CAB39: variants seen among roughly 807,000 people sequenced by gnomAD.
CAB39 encodes the protein calcium binding protein 39, also known as calcium-binding protein 39.
A neutral mutation model predicts 40.0 loss-of-function variants in CAB39; 8 were observed. The ratio of observed to expected loss-of-function variants is 0.20; its 90% confidence interval spans 0.12 to 0.36. The LOEUF is 0.36. Ranked by LOEUF, CAB39 falls within the 10% of genes least tolerant of loss-of-function variation. CAB39 has a pLI of 1.00. For missense variants in CAB39, 270 were observed against 401.1 expected (o/e 0.67, Z 2.79); for synonymous variants, 156 against 141.6 (o/e 1.10, Z -0.72).
intron 1 of CAB39, among the ~76,000 whole-genome samples, chr2:230,743,269 A>C (rs1194966190): frequency 6.6e-6 from 1 of 152,144 alleles, no homozygotes; most frequent in Non-Finnish European, 1.5e-5. Context: ...CGACAAAGTA[A>C]GGCCGGCTAT....
chr2:230,741,688 G>A (rs1002644293), intron 1 of CAB39, among the ~76,000 whole-genome samples: 2 of 152,126 alleles, frequency 1.3e-5, no homozygotes, highest in East Asian at 1.9e-4. Flanking sequence ...CTAAAGGCAC[G>A]TGTATACATT....
At chr2:230,773,044 T>G (rs561704273) in intron 2 of CAB39, among the ~76,000 whole-genome samples, 1 of 148,706 alleles carries the variant, frequency 6.7e-6, no homozygotes, top group African/African-American at 2.5e-5. Context: ...CTCAAAGTGA[T>G]TATGTTGAAC....
At chr2:230,777,708 C>T (rs1220752686) in intron 2 of CAB39, among the ~76,000 whole-genome samples, 2 of 152,020 alleles carry the variant, frequency 1.3e-5, no homozygotes, top group Admixed American at 6.6e-5. Flanking sequence ...CACCCCTGGC[C>T]CTCAATTATT....
chr2:230,766,193 A>G (rs183929394), intron 2 of CAB39, among the ~76,000 whole-genome samples: 1 of 152,246 alleles, frequency 6.6e-6, no homozygotes, highest in Non-Finnish European at 1.5e-5. Flanking sequence ...TCTGATGACT[A>G]TAAACCCAGG....
intron 1 of CAB39, among the ~76,000 whole-genome samples, chr2:230,731,680 G>T (rs1359922926): frequency 6.6e-6 from 1 of 152,028 alleles, no homozygotes; most frequent in African/African-American, 2.4e-5. Context: ...TAAATTTCTT[G>T]TAGACACGGG....
intron 2 of CAB39, among the ~76,000 whole-genome samples, chr2:230,789,779 C>T (rs750786505): frequency 9.2e-5 from 14 of 152,322 alleles, no homozygotes; most frequent in Admixed American, 3.3e-4. Flanking sequence ...CCCTGGGTTG[C>T]CAGGTCTGCC....
At chr2:230,780,198 G>A (rs1399849762) in intron 2 of CAB39, among the ~76,000 whole-genome samples, 1 of 152,136 alleles carries the variant, frequency 6.6e-6, no homozygotes, top group Non-Finnish European at 1.5e-5. Flanking sequence ...TTGGAACTAA[G>A]TAGGATGCCC....
chr2:230,763,986 G>T (rs1331421947), intron 2 of CAB39, among the ~76,000 whole-genome samples: 1 of 152,052 alleles, frequency 6.6e-6, no homozygotes, highest in Admixed American at 6.6e-5. Flanking sequence ...GCCGGGTGTG[G>T]TGGCACGCAC....
intron 2 of CAB39, among the ~76,000 whole-genome samples, chr2:230,769,280 A>G (rs1158773177): frequency 2.0e-5 from 3 of 152,222 alleles, no homozygotes; most frequent in African/African-American, 4.8e-5. Flanking sequence ...TAGAACTGCA[A>G]GAAGTAGTCA....
intron 2 of CAB39, among the ~76,000 whole-genome samples, chr2:230,772,487 G>GT (rs35032723): frequency 0.2 from 28,105 of 142,570 alleles, 4,888 homozygotes; most frequent in African/African-American, 0.47. Context: ...AGTTTGGCAG[G>GT]TTTTTTTTTT....
intron 1 of CAB39, among the ~76,000 whole-genome samples, chr2:230,748,848 A>ATATATG (rs1695034161): frequency 8.4e-6 from 1 of 119,058 alleles, no homozygotes; most frequent in African/African-American, 3.0e-5. Flanking sequence ...ATATATATAT[A>ATATATG]TATATATATA....
At chr2:230,725,102 C>G in intron 1 of CAB39, 1 of 1,608,648 alleles carries the variant, frequency 6.2e-7, no homozygotes. Context: ...CGGCTGCAAA[C>G]TCTGGTTGAG....
intron 1 of CAB39, chr2:230,752,034 C>A (rs1297201338): frequency 2.3e-5 from 2 of 87,804 alleles, no homozygotes; most frequent in Non-Finnish European, 5.3e-5. Context: ...TGACCACCCC[C>A]CCCCCCCCCA....
intron 2 of CAB39, among the ~76,000 whole-genome samples, chr2:230,769,682 T>G (rs1695449439): frequency 6.6e-6 from 1 of 152,104 alleles, no homozygotes; most frequent in African/African-American, 2.4e-5. Context: ...AAGAAGATAT[T>G]AGAAAGTAGT....
chr2:230,803,242 G>C (rs1209233792), intron 5 of CAB39, among the ~76,000 whole-genome samples: 1 of 152,178 alleles, frequency 6.6e-6, no homozygotes, highest in Non-Finnish European at 1.5e-5. Context: ...ACTAGGTATT[G>C]ATGGAACGTA....
chr2:230,781,074 T>C (rs2396778), intron 2 of CAB39, among the ~76,000 whole-genome samples: 53,594 of 150,744 alleles, frequency 0.36, 13,046 homozygotes, highest in African/African-American at 0.69. Context: ...GAGCTGGACC[T>C]GATCTCAAAA....
At chr2:230,743,260 G>C (rs556109964) in intron 1 of CAB39, among the ~76,000 whole-genome samples, 1 of 152,188 alleles carries the variant, frequency 6.6e-6, no homozygotes, top group East Asian at 1.9e-4. Flanking sequence ...GGAACTCTAC[G>C]ACAAAGTAAG....
At chr2:230,812,837 G>A (rs1305400879) in intron 6 of CAB39, among the ~76,000 whole-genome samples, 1 of 152,214 alleles carries the variant, frequency 6.6e-6, no homozygotes, top group Non-Finnish European at 1.5e-5. Flanking sequence ...GTTGTTCTAT[G>A]AAAGCAGCTG....
intron 2 of CAB39, among the ~76,000 whole-genome samples, 180 bp from the exon 3 acceptor site, chr2:230,790,692 T>G (rs1055831776): frequency 6.6e-6 from 1 of 152,238 alleles, no homozygotes; most frequent in Non-Finnish European, 1.5e-5. Flanking sequence ...GGTCCCCATG[T>G]GCACGCAGAC....
Sources: allele counts gnomAD v4.1 joint callset (sites outside exome capture counted in the v4.1 genomes callset), GRCh38; gene constraint gnomAD v4.1.1; transcripts MANE v1.5; gene names NCBI Gene and HGNC (gene_info 2026-07-23, HGNC 2026-07-21).